Variants in SNX29 observed in about 807,000 individuals in gnomAD.
SNX29 encodes sorting nexin-29.
Under a neutral mutation model 102.1 loss-of-function variants are expected in SNX29, and 78 were observed. The observed-to-expected ratio is 0.76, with a 90% confidence interval of 0.64 to 0.92. SNX29 has a LOEUF of 0.92. SNX29 is among the 40% of genes least tolerant of loss of function. The pLI, the probability that SNX29 is intolerant of heterozygous loss-of-function variation, is 0.00. For missense variants in SNX29, 1,280 were observed against 1,061.7 expected (o/e 1.21, Z -2.86); for synonymous variants, 580 against 414.5 (o/e 1.40, Z -4.85).
intron 15 of SNX29, among the ~76,000 whole-genome samples, chr16:12,278,462 C>T (rs961253194): frequency 4.0e-5 from 6 of 151,642 alleles, no homozygotes; most frequent in African/African-American, 1.2e-4. Flanking sequence ...CCCCCTCACC[C>T]TCAAAAGAAA....
At chr16:12,539,517 T>C (rs2077228174) in intron 20 of SNX29, among the ~76,000 whole-genome samples, 1 of 152,228 alleles carries the variant, frequency 6.6e-6, no homozygotes, top group Non-Finnish European at 1.5e-5. Context: ...GTTCCAGTTG[T>C]TGGCAATTTT....
At chr16:12,333,253 G>A (rs913329476) in intron 15 of SNX29, among the ~76,000 whole-genome samples, 2 of 151,710 alleles carry the variant, frequency 1.3e-5, no homozygotes, top group African/African-American at 2.4e-5. Flanking sequence ...CTACAGGTGC[G>A]TGCCACCATG....
chr16:12,299,496 C>T (rs1449235441), intron 15 of SNX29, among the ~76,000 whole-genome samples: 2 of 152,080 alleles, frequency 1.3e-5, no homozygotes, highest in African/African-American at 2.4e-5. Context: ...TGTTCTAGGC[C>T]CTTCTTGTAC....
At chr16:11,992,298 AT>A (rs951476247) in intron 1 of SNX29, among the ~76,000 whole-genome samples, 20 of 148,912 alleles carry the variant, frequency 1.3e-4, no homozygotes, top group Non-Finnish European at 1.9e-4. Flanking sequence ...CATCTCTTAA[AT>A]TTTTTTTTTT....
intron 20 of SNX29, chr16:12,546,755 T>C (rs1242593683): frequency 5.0e-5 from 7 of 138,824 alleles, no homozygotes. Flanking sequence ...ATTAGACATT[T>C]AAACAGCTAC....
intron 13 of SNX29, among the ~76,000 whole-genome samples, chr16:12,177,266 C>T (rs1307155841): frequency 6.6e-6 from 1 of 152,134 alleles, no homozygotes; most frequent in Admixed American, 6.6e-5. Context: ...TCAGGTTTTT[C>T]TCTGTTTTAC....
chr16:12,430,934 C>T (rs1405578175), intron 18 of SNX29, among the ~76,000 whole-genome samples: 2 of 151,356 alleles, frequency 1.3e-5, no homozygotes, highest in African/African-American at 4.9e-5. Context: ...CTCACTGCAA[C>T]CTCTGCCTCC....
At chr16:12,017,367 T>C (rs1188676453) in intron 3 of SNX29, among the ~76,000 whole-genome samples, 1 of 152,222 alleles carries the variant, frequency 6.6e-6, no homozygotes, top group Non-Finnish European at 1.5e-5. Context: ...TTGTGGTTGA[T>C]TTCTTCACCT....
intron 5 of SNX29, among the ~76,000 whole-genome samples, chr16:12,044,383 A>C (rs1349342434): frequency 6.6e-6 from 1 of 151,932 alleles, no homozygotes; most frequent in African/African-American, 2.4e-5. Flanking sequence ...AATACTCTTA[A>C]AGTTCTCTGT....
chr16:12,075,819 C>G (rs1366838263), intron 10 of SNX29, among the ~76,000 whole-genome samples: 1 of 152,212 alleles, frequency 6.6e-6, no homozygotes, highest in Non-Finnish European at 1.5e-5. Context: ...TGAGCTCCAC[C>G]CAGTTCGAGC....
At chr16:11,996,093 C>T (rs1380649617) in intron 1 of SNX29, among the ~76,000 whole-genome samples, 1 of 151,750 alleles carries the variant, frequency 6.6e-6, no homozygotes, top group Non-Finnish European at 1.5e-5. Context: ...GCCCCATCCT[C>T]AACCTCCTGA....
intron 3 of SNX29, among the ~76,000 whole-genome samples, chr16:12,010,559 G>A (rs2056613859): frequency 6.6e-6 from 1 of 152,118 alleles, no homozygotes; most frequent in Non-Finnish European, 1.5e-5. Context: ...CTAGGAGGTC[G>A]AGGCTGCAGT....
At chr16:11,995,147 C>A (rs2056013770) in intron 1 of SNX29, among the ~76,000 whole-genome samples, 2 of 152,302 alleles carry the variant, frequency 1.3e-5, no homozygotes, top group South Asian at 4.1e-4. Flanking sequence ...CTCACTGTAA[C>A]CTCCGTCTCC....
intron 1 of SNX29, among the ~76,000 whole-genome samples, chr16:11,980,142 C>T (rs1166119309): frequency 6.6e-6 from 1 of 152,078 alleles, no homozygotes; most frequent in Non-Finnish European, 1.5e-5. Context: ...TAGAAAGAAA[C>T]TTTGTACCCA....
chr16:12,414,204 CTG>C (rs1461267243), intron 18 of SNX29, among the ~76,000 whole-genome samples: 1 of 152,034 alleles, frequency 6.6e-6, no homozygotes, highest in African/African-American at 2.4e-5. Flanking sequence ...GGAGGGCTGA[CTG>C]TATTAAAAAT....
intron 14 of SNX29, among the ~76,000 whole-genome samples, chr16:12,221,806 T>A (rs1380812211): frequency 6.6e-6 from 1 of 152,156 alleles, no homozygotes; most frequent in Non-Finnish European, 1.5e-5. Context: ...CTCTCCAGCG[T>A]GTCTGTTGAA....
chr16:12,124,216 C>T (rs770326748), intron 11 of SNX29, among the ~76,000 whole-genome samples: 2 of 151,984 alleles, frequency 1.3e-5, no homozygotes, highest in Admixed American at 6.6e-5. Flanking sequence ...ATTAGCCAGG[C>T]GTGGTGGCAG....
At chr16:12,432,950 T>TAGTGTGATGCCGGGCCTGGGCC (rs1350803760) in intron 18 of SNX29, among the ~76,000 whole-genome samples, 1 of 151,978 alleles carries the variant, frequency 6.6e-6, no homozygotes, top group Non-Finnish European at 1.5e-5. Flanking sequence ...GTGCATGGGG[T>TAGTGTGATGCCGGGCCTGGGCC]AGTGTGATGC....
At chr16:12,498,146 G>A (rs769310213) in intron 19 of SNX29, among the ~76,000 whole-genome samples, 3 of 152,190 alleles carry the variant, frequency 2.0e-5, no homozygotes, top group Admixed American at 1.3e-4. Context: ...GCAGATAGAC[G>A]AATTCCAGGC....
Sources: gnomAD v4.1 joint callset for allele counts (sites outside exome capture counted in the v4.1 genomes callset) on GRCh38, gnomAD v4.1.1 for gene constraint, MANE v1.5 for transcripts, NCBI Gene and HGNC (gene_info 2026-07-23, HGNC 2026-07-21) for gene names.